The following SLC25A13 variants were observed in gnomAD, a reference collection of about 807,000 sequenced individuals.
SLC25A13 encodes the protein electrogenic aspartate/glutamate antiporter SLC25A13, mitochondrial.
SLC25A13 carries 70 observed loss-of-function variants against 85.5 expected under a neutral mutation model. That is an observed-to-expected ratio of 0.82 (90% confidence interval 0.68 to 1.00). The LOEUF is 1.00. Among genes scored for constraint, SLC25A13 ranks in the 50% least tolerant of loss-of-function variants. The pLI is 0.00. For synonymous variants in SLC25A13, 259 were observed against 288.7 expected, an observed-to-expected ratio of 0.90 and a Z score of 1.04; for missense variants, 765 against 819.8, an observed-to-expected ratio of 0.93 and a Z score of 0.82.
chr7:96,231,180 C>G (rs568771047), intron 4 of SLC25A13, among the ~76,000 whole-genome samples: 3 of 152,240 alleles, frequency 2.0e-5, no homozygotes, highest in South Asian at 2.1e-4. Flanking sequence ...CAATACCACT[C>G]TGGAGAGTGG....
chr7:96,131,276 A>C (rs1285484180), intron 15 of SLC25A13, among the ~76,000 whole-genome samples: 1 of 152,080 alleles, frequency 6.6e-6, no homozygotes, highest in Non-Finnish European at 1.5e-5. Context: ...CAGGGAGGAA[A>C]CAGGTGTCTC....
intron 11 of SLC25A13, among the ~76,000 whole-genome samples, chr7:96,183,539 T>G (rs143868554): frequency 0.015 from 2,254 of 152,320 alleles, 56 homozygotes; most frequent in African/African-American, 0.051. Flanking sequence ...TTTTAACTGA[T>G]GCAGAAACAC....
chr7:96,199,421 C>T (rs948096871), intron 5 of SLC25A13, among the ~76,000 whole-genome samples: 3 of 152,172 alleles, frequency 2.0e-5, no homozygotes, highest in African/African-American at 7.2e-5. Context: ...GGGCCTGAAA[C>T]CTTGTAGCAA....
chr7:96,137,411 C>T (rs915367121), intron 14 of SLC25A13, among the ~76,000 whole-genome samples: 1 of 152,176 alleles, frequency 6.6e-6, no homozygotes, highest in African/African-American at 2.4e-5. Context: ...CTAACAAAAT[C>T]ATCTTGACAA....
chr7:96,192,966 T>C (rs1265320319), intron 6 of SLC25A13, 71 bp downstream of exon 6: 9 of 1,522,688 alleles, frequency 5.9e-6, no homozygotes, highest in Non-Finnish European at 8.2e-6. Flanking sequence ...ACTACATAAC[T>C]TATAAGAATT....
intron 1 of SLC25A13, among the ~76,000 whole-genome samples, chr7:96,317,211 C>T (rs1800162843): frequency 6.6e-6 from 1 of 152,098 alleles, no homozygotes; most frequent in Non-Finnish European, 1.5e-5. Flanking sequence ...AGGTGATTCA[C>T]CTGCCTCGGC....
chr7:96,282,014 C>G (rs897608249), intron 2 of SLC25A13, among the ~76,000 whole-genome samples: 1 of 152,142 alleles, frequency 6.6e-6, no homozygotes, highest in Non-Finnish European at 1.5e-5. Flanking sequence ...GGGGAACGGA[C>G]TATATCCTTA....
chr7:96,141,019 C>CTTTTTT (rs11433644), intron 14 of SLC25A13, among the ~76,000 whole-genome samples: 3 of 124,706 alleles, frequency 2.4e-5, no homozygotes, highest in Admixed American at 8.5e-5. Flanking sequence ...TTTTTTCTTT[C>CTTTTTT]TTTTTTTTTT....
At chr7:96,177,787 C>G (rs1173187822) in intron 11 of SLC25A13, among the ~76,000 whole-genome samples, 1 of 152,190 alleles carries the variant, frequency 6.6e-6, no homozygotes, top group African/African-American at 2.4e-5. Flanking sequence ...CAGCTTGTTT[C>G]AAGTCACTAA....
chr7:96,291,031 A>C (rs1367265532), intron 2 of SLC25A13, among the ~76,000 whole-genome samples: 1 of 152,226 alleles, frequency 6.6e-6, no homozygotes, highest in African/African-American at 2.4e-5. Context: ...AGTTGGAAGT[A>C]AAGCCCTCTT....
In SLC25A13 at chr7:96,121,693, T is replaced by C; in HGVS notation, c.1803A>G (p.Glu601=). ...PQFGVTLLTY[E]LLQRWFYIDF... ...CAATGTAGAACCATCGCTGTAGCAATTCGTAAGTCAGCAAAGTTACACCAA... is the reference window on the plus strand; with the variant it reads ...CAATGTAGAACCATCGCTGTAGCAACTCGTAAGTCAGCAAAGTTACACCAA... The change falls in exon 17 of 18, where the codon GAA becomes GAG. Residue 601 remains glutamate, a synonymous_variant. Transcript: ENST00000265631. 1 of 1,614,178 alleles carries C rather than the reference T, an allele frequency of 6.2e-7. No individual in the cohort carries two copies. The highest frequency in any genetic ancestry group is 8.5e-7 in the Non-Finnish European group (1 of 1,180,038).
intron 14 of SLC25A13, among the ~76,000 whole-genome samples, chr7:96,133,023 C>G (rs1335830000): frequency 1.3e-5 from 2 of 152,206 alleles, no homozygotes; most frequent in Non-Finnish European, 2.9e-5. Context: ...ACTATTAACT[C>G]AAGTCTACTA....
intron 2 of SLC25A13, 100 bp from the exon 3 acceptor site, chr7:96,277,438 A>G: frequency 9.1e-7 from 1 of 1,102,248 alleles, no homozygotes; most frequent in Non-Finnish European, 1.3e-6. Flanking sequence ...TCCAAACGAT[A>G]AAATATCAGA....
At chr7:96,178,021 T>C (rs1425034350) in intron 11 of SLC25A13, among the ~76,000 whole-genome samples, 1 of 152,206 alleles carries the variant, frequency 6.6e-6, no homozygotes, top group South Asian at 2.1e-4. Context: ...CTGCCCTGCC[T>C]GACCCTTGTA....
At chr7:96,170,694 C>A (rs1385830729) in intron 12 of SLC25A13, among the ~76,000 whole-genome samples, 2 of 152,090 alleles carry the variant, frequency 1.3e-5, no homozygotes, top group African/African-American at 4.8e-5. Context: ...ACAGTCATAT[C>A]TTTTTGGCAG....
chr7:96,169,342 C>G (rs6944608), intron 13 of SLC25A13, among the ~76,000 whole-genome samples: 51,579 of 151,838 alleles, frequency 0.34, 9,276 homozygotes, highest in East Asian at 0.59. Context: ...TATTGTATCG[C>G]CTGAGTGATC....
At chr7:96,156,491 G>A (rs1297958083) in intron 13 of SLC25A13, among the ~76,000 whole-genome samples, 10 of 151,114 alleles carry the variant, frequency 6.6e-5, no homozygotes, top group South Asian at 2.1e-4. Context: ...TCCGTCTGTC[G>A]CCCAGGCTGG....
At chr7:96,175,089 G>C (rs529851992) in intron 11 of SLC25A13, among the ~76,000 whole-genome samples, 1 of 152,244 alleles carries the variant, frequency 6.6e-6, no homozygotes, top group Admixed American at 6.5e-5. Flanking sequence ...CAGACCCCAG[G>C]GGCATCACAG....
chr7:96,200,452 A>G (rs1181402164), intron 5 of SLC25A13, among the ~76,000 whole-genome samples: 2 of 152,184 alleles, frequency 1.3e-5, no homozygotes, highest in Non-Finnish European at 2.9e-5. Flanking sequence ...AGATCCACAT[A>G]TTTTTTAACA....
Sources: gnomAD v4.1 joint callset for allele counts (sites outside exome capture counted in the v4.1 genomes callset) on GRCh38, gnomAD v4.1.1 for gene constraint, MANE v1.5 for transcripts, NCBI Gene and HGNC (gene_info 2026-07-23, HGNC 2026-07-21) for gene names.